The following SLMAP variants were observed in gnomAD, a reference collection of about 807,000 sequenced individuals.
SLMAP encodes the protein sarcolemma associated protein.
A neutral mutation model predicts 128.8 loss-of-function variants in SLMAP; 44 were observed. That is an observed-to-expected ratio of 0.34 (90% CI 0.27 to 0.44). The LOEUF is 0.44. Among genes scored for constraint, SLMAP ranks in the 20% least tolerant of loss-of-function variants. The pLI is 1.00. For synonymous variants in SLMAP, 327 were observed against 348.8 expected, an observed-to-expected ratio of 0.94 and a Z score of 0.70; for missense variants, 787 against 985.3, an observed-to-expected ratio of 0.80 and a Z score of 2.69.
At chr3:57,862,903 C>T (rs371051508) in intron 10 of SLMAP, among the ~76,000 whole-genome samples, 2 of 152,148 alleles carry the variant, frequency 1.3e-5, no homozygotes, top group East Asian at 1.9e-4. Flanking sequence ...ACCTCCATTA[C>T]TATAGATAAT....
At chr3:57,864,880 A>T (rs2095250834) in intron 12 of SLMAP, 23 bp downstream of exon 12, 3 of 1,531,968 alleles carry the variant, frequency 2.0e-6, no homozygotes, top group Non-Finnish European at 2.6e-6. Context: ...CATATTTCTT[A>T]CTTAAACCTG....
At chr3:57,769,363 T>C (rs1456467149) in intron 2 of SLMAP, among the ~76,000 whole-genome samples, 2 of 152,016 alleles carry the variant, frequency 1.3e-5, no homozygotes, top group African/African-American at 4.8e-5. Flanking sequence ...CCAGCCAGTT[T>C]CTTGTATTTT....
chr3:57,924,957 G>GTTTTTTT (rs547751743), intron 23 of SLMAP, among the ~76,000 whole-genome samples: 17 of 136,820 alleles, frequency 1.2e-4, no homozygotes, highest in East Asian at 2.1e-4. Flanking sequence ...TTTGTTTTTT[G>GTTTTTTT]TTTTTTTTTT....
chr3:57,786,638 C>G (rs769438236), intron 2 of SLMAP, among the ~76,000 whole-genome samples: 1 of 150,324 alleles, frequency 6.7e-6, no homozygotes, highest in Non-Finnish European at 1.5e-5. Context: ...TTCACTACAA[C>G]CTCCGCCTCC....
At chr3:57,773,883 C>T (rs2081341031) in intron 2 of SLMAP, among the ~76,000 whole-genome samples, 1 of 152,088 alleles carries the variant, frequency 6.6e-6, no homozygotes, top group Non-Finnish European at 1.5e-5. Context: ...AAAGACTGCA[C>T]TTGTGTGCAT....
chr3:57,897,097 C>A (rs2096262350), intron 17 of SLMAP, 165 bp downstream of exon 17: 5 of 1,374,928 alleles, frequency 3.6e-6, no homozygotes, highest in South Asian at 4.1e-5. Context: ...GTGTTTATAC[C>A]CAATATTTCA....
At chr3:57,913,467 T>A (rs944451986) in intron 21 of SLMAP, among the ~76,000 whole-genome samples, 192 bp downstream of exon 21, 4 of 152,150 alleles carry the variant, frequency 2.6e-5, no homozygotes, top group Admixed American at 1.3e-4. Context: ...ACCACCATTA[T>A]CCTACATGTC....
chr3:57,805,787 C>G (rs1487592725), intron 2 of SLMAP, among the ~76,000 whole-genome samples: 2 of 152,172 alleles, frequency 1.3e-5, no homozygotes, highest in Non-Finnish European at 2.9e-5. Context: ...TCCTGTCATT[C>G]TCAGTCTCAT....
Position 57,831,511 on chromosome 3 carries a change from G to A in SLMAP, c.327G>A (p.Val109=). The A allele has an allele frequency of 6.4e-7, 1 of 1,565,370 alleles. No individual in the cohort carries two copies. Among genetic ancestry groups the A allele is most frequent in the Non-Finnish European group, 8.7e-7 (1 of 1,155,646 alleles). Residue 109 remains valine, a synonymous_variant, in exon 3 of 25, where the codon GTG becomes GTA. Transcript: ENST00000671191. ...SGDIIQFGVD[V]TENTRKVTHG... ...ACATTATCCAGTTTGGAGTAGACGTGACAGAGAATACACGGAAAGGTACGG... is the reference window on the plus strand; with the variant it reads ...ACATTATCCAGTTTGGAGTAGACGTAACAGAGAATACACGGAAAGGTACGG...
rs77285708 is a variant in SLMAP, at chr3:57,862,017, A to G, written c.897A>G (p.Glu299=). 4 of 1,602,808 alleles carry G rather than the reference A, an allele frequency of 2.5e-6. No homozygotes were observed. The highest frequency in any genetic ancestry group is 2.7e-5 in the African/African-American group (2 of 74,850). The part of the protein sequence containing the change: ...LKEMNERTQE[E]LRELANKYNG... ...AAATGAATGAAAGGACTCAGGAAGAATTAAGAGAATTAGCCAACAAATATA... is the reference window on the plus strand; with the variant it reads ...AAATGAATGAAAGGACTCAGGAAGAGTTAAGAGAATTAGCCAACAAATATA... Residue 299 remains glutamate (E), a synonymous_variant, in exon 10 of 25, where the codon GAA becomes GAG. Coordinates refer to ENST00000671191, the MANE Select transcript of SLMAP (RefSeq NM_001377540.1).
intron 14 of SLMAP, among the ~76,000 whole-genome samples, chr3:57,875,073 C>T (rs907282339): frequency 1.3e-5 from 2 of 152,058 alleles, no homozygotes; most frequent in Non-Finnish European, 1.5e-5. Flanking sequence ...ATATAAATTA[C>T]ACCAAATCCC....
At chr3:57,907,270 G>A (rs571845204) in intron 17 of SLMAP, among the ~76,000 whole-genome samples, 29 of 151,946 alleles carry the variant, frequency 1.9e-4, no homozygotes, top group African/African-American at 6.3e-4. Flanking sequence ...CTCGTGATCC[G>A]CCTGCCTCAG....
At chr3:57,860,521 CATA>C (rs1423122016) in intron 8 of SLMAP, among the ~76,000 whole-genome samples, 175 bp from the exon 9 acceptor site, 1 of 151,944 alleles carries the variant, frequency 6.6e-6, no homozygotes, top group African/African-American at 2.4e-5. Context: ...TTTGTGAAGG[CATA>C]ATTTACTTAT....
chr3:57,771,225 G>C (rs2080832624), intron 2 of SLMAP, among the ~76,000 whole-genome samples: 1 of 144,386 alleles, frequency 6.9e-6, no homozygotes, highest in South Asian at 2.2e-4. Context: ...TCCTTTGAGA[G>C]AGAGAGAGAG....
chr3:57,805,558 T>A (rs1052926853), intron 2 of SLMAP, among the ~76,000 whole-genome samples: 1 of 152,212 alleles, frequency 6.6e-6, no homozygotes, highest in Non-Finnish European at 1.5e-5. Flanking sequence ...AACACTGTCG[T>A]AATTCAGGGC....
intron 6 of SLMAP, among the ~76,000 whole-genome samples, chr3:57,853,555 T>G (rs887113439): frequency 6.6e-6 from 1 of 152,116 alleles, no homozygotes; most frequent in Non-Finnish European, 1.5e-5. Context: ...CATTTCACCT[T>G]GATTCTGAGT....
intron 2 of SLMAP, among the ~76,000 whole-genome samples, chr3:57,818,000 T>C (rs996853261): frequency 2.6e-5 from 4 of 152,242 alleles, no homozygotes; most frequent in Non-Finnish European, 5.9e-5. Flanking sequence ...TGCTGTTTTA[T>C]AGGCGGTCTG....
rs1048026306 is a variant in SLMAP, at chr3:57,815,543, C to G, written c.199-15840C>G. On this transcript the variant is annotated intron_variant, in intron 2 of 24. Transcript: ENST00000671191. ...ATTTATGATAACCATTTATTATAACCGTATCATTCTGATAATAACCATAAA... is the reference window on the plus strand; with the variant it reads ...ATTTATGATAACCATTTATTATAACGGTATCATTCTGATAATAACCATAAA... Among the ~76,000 whole-genome samples the G allele has an allele frequency of 2.6e-5, 4 of 151,744 alleles. No homozygotes were observed. The East Asian group carries it at 7.7e-4, about 29-fold the overall frequency.
intron 2 of SLMAP, among the ~76,000 whole-genome samples, chr3:57,823,692 G>A: frequency 1.3e-5 from 2 of 152,290 alleles, no homozygotes; most frequent in African/African-American, 2.4e-5. Flanking sequence ...GTGTGCATGT[G>A]TCTTTATAGC....
Sources: gnomAD v4.1 joint callset for allele counts (sites outside exome capture counted in the v4.1 genomes callset) on GRCh38, gnomAD v4.1.1 for gene constraint, MANE v1.5 for transcripts, NCBI Gene and HGNC (gene_info 2026-07-23, HGNC 2026-07-21) for gene names.